IL1RAPL1: variants seen among roughly 807,000 people sequenced by gnomAD.
IL1RAPL1 encodes interleukin-1 receptor accessory protein-like 1.
A neutral mutation model predicts 48.4 loss-of-function variants in IL1RAPL1; 3 were observed. The observed-to-expected ratio is 0.06, with a 90% CI of 0.03 to 0.16. IL1RAPL1 has a LOEUF of 0.16. IL1RAPL1 is among the 10% of genes least tolerant of loss of function. IL1RAPL1 has a pLI of 1.00. For synonymous variants in IL1RAPL1, 185 were observed against 187.7 expected, an observed-to-expected ratio of 0.99 and a Z score of 0.12; for missense variants, 349 against 530.6, an observed-to-expected ratio of 0.66 and a Z score of 3.36.
intron 8 of IL1RAPL1, among the ~76,000 whole-genome samples, chrX:29,941,115 CTG>C (rs1933119875): frequency 1.8e-5 from 2 of 111,897 alleles, no homozygotes; most frequent in South Asian, 3.7e-4. Context: ...TCTCCTGAAA[CTG>C]TGTTGTTTGA....
intron 2 of IL1RAPL1, among the ~76,000 whole-genome samples, chrX:29,160,072 A>G (rs1247216671): frequency 1.8e-5 from 2 of 112,196 alleles, no homozygotes; most frequent in South Asian, 3.7e-4. Context: ...TTGGGACTCA[A>G]TGTCCTTATG....
At chrX:29,047,538 T>C (rs1926999080) in intron 2 of IL1RAPL1, among the ~76,000 whole-genome samples, 2 of 111,868 alleles carry the variant, frequency 1.8e-5, no homozygotes, top group African/African-American at 3.3e-5. Context: ...ATTGGCATTT[T>C]CAAAATGGCA....
intron 2 of IL1RAPL1, among the ~76,000 whole-genome samples, chrX:29,162,875 CAGCCTGACCAACATGGTAA>C (rs1253604572): frequency 3.7e-5 from 4 of 109,352 alleles, no homozygotes; most frequent in Non-Finnish European, 5.7e-5. Flanking sequence ...ATTTCGAGAC[CAGCCTGACCAACATGGTAA>C]AACCCCATAT....
chrX:29,839,229 T>A (rs6630967), intron 6 of IL1RAPL1, among the ~76,000 whole-genome samples: 5,415 of 112,051 alleles, frequency 0.048, 310 homozygotes, highest in African/African-American at 0.17. Flanking sequence ...GCCCAGTTGC[T>A]GCTCATCTCA....
chrX:28,988,197 T>C (rs1173876251), intron 2 of IL1RAPL1, among the ~76,000 whole-genome samples: 4 of 111,660 alleles, frequency 3.6e-5, no homozygotes, highest in Non-Finnish European at 7.5e-5. Flanking sequence ...ATCAGCTCAA[T>C]ACAAATCAAA....
At chrX:29,749,696 TTTG>T (rs1470921856) in intron 6 of IL1RAPL1, among the ~76,000 whole-genome samples, 11 of 85,570 alleles carry the variant, frequency 1.3e-4, no homozygotes, top group African/African-American at 6.4e-4. Flanking sequence ...CCAGACTTTC[TTTG>T]TCAAAAACAT....
chrX:29,627,285 C>T (rs1276678494), intron 5 of IL1RAPL1, among the ~76,000 whole-genome samples: 1 of 112,220 alleles, frequency 8.9e-6, no homozygotes, highest in Non-Finnish European at 1.9e-5. Flanking sequence ...GCAAACAAAG[C>T]ATTTCGGCAT....
chrX:29,240,987 A>G (rs367697583), intron 2 of IL1RAPL1, among the ~76,000 whole-genome samples: 4 of 112,268 alleles, frequency 3.6e-5, no homozygotes, highest in African/African-American at 1.3e-4. Flanking sequence ...AAATGGTACT[A>G]TTTTCTTCAG....
chrX:29,070,956 C>T (rs912163669), intron 2 of IL1RAPL1, among the ~76,000 whole-genome samples: 8 of 111,368 alleles, frequency 7.2e-5, no homozygotes, highest in African/African-American at 2.6e-4. Flanking sequence ...CAGAATATTA[C>T]ATATCTATAT....
chrX:29,221,926 G>A (rs1252289319), intron 2 of IL1RAPL1, among the ~76,000 whole-genome samples: 1 of 105,236 alleles, frequency 9.5e-6, no homozygotes, highest in East Asian at 3.0e-4. Context: ...CAGGAGAATC[G>A]CTTGACCCAG....
intron 1 of IL1RAPL1, among the ~76,000 whole-genome samples, chrX:28,642,871 C>A: frequency 9.0e-6 from 1 of 110,992 alleles, no homozygotes; most frequent in Non-Finnish European, 1.9e-5. Context: ...ATCAATGAAT[C>A]CAGGAGCTGG....
At chrX:29,178,383 A>C (rs769239033) in intron 2 of IL1RAPL1, among the ~76,000 whole-genome samples, 1 of 112,326 alleles carries the variant, frequency 8.9e-6, no homozygotes, top group East Asian at 2.8e-4. Context: ...TTGGCTGCAT[A>C]AATGTCTTCT....
At chrX:29,439,276 A>G (rs1934515190) in intron 5 of IL1RAPL1, among the ~76,000 whole-genome samples, 1 of 111,505 alleles carries the variant, frequency 9.0e-6, no homozygotes, top group African/African-American at 3.3e-5. Flanking sequence ...TCTAAATTTT[A>G]GGATTCATAC....
At chrX:29,081,769 T>C (rs1927849362) in intron 2 of IL1RAPL1, among the ~76,000 whole-genome samples, 1 of 110,568 alleles carries the variant, frequency 9.0e-6, no homozygotes, top group Non-Finnish European at 1.9e-5. Context: ...TTTTCAGTTA[T>C]TTAGCTCAGG....
At chrX:29,927,246 TA>T (rs2147244161) in intron 8 of IL1RAPL1, among the ~76,000 whole-genome samples, 1 of 112,514 alleles carries the variant, frequency 8.9e-6, no homozygotes, top group South Asian at 3.7e-4. Flanking sequence ...AGCCCTTGCC[TA>T]GACAATAGAT....
intron 6 of IL1RAPL1, among the ~76,000 whole-genome samples, chrX:29,748,323 A>T (rs750403661): frequency 8.9e-6 from 1 of 112,578 alleles, no homozygotes; most frequent in East Asian, 2.8e-4. Context: ...ATAGAATTTA[A>T]ACCTAGTAAG....
At chrX:29,491,132 G>A (rs759738732) in intron 5 of IL1RAPL1, among the ~76,000 whole-genome samples, 4 of 110,850 alleles carry the variant, frequency 3.6e-5, no homozygotes, top group Non-Finnish European at 7.5e-5. Context: ...TTCTAATTTC[G>A]GTATACATAT....
At chrX:29,105,317 A>G (rs980694072) in intron 2 of IL1RAPL1, among the ~76,000 whole-genome samples, 6 of 111,957 alleles carry the variant, frequency 5.4e-5, no homozygotes, top group Admixed American at 9.5e-5. Flanking sequence ...TGTATATTTA[A>G]ATATGATGAT....
At chrX:28,978,216 G>C (rs1925251552) in intron 2 of IL1RAPL1, among the ~76,000 whole-genome samples, 1 of 111,611 alleles carries the variant, frequency 9.0e-6, no homozygotes, top group South Asian at 3.8e-4. Flanking sequence ...ATGAGATCTA[G>C]AGCACACAGG....
Sources: gnomAD v4.1 joint callset for allele counts (sites outside exome capture counted in the v4.1 genomes callset) on GRCh38, gnomAD v4.1.1 for gene constraint, MANE v1.5 for transcripts, NCBI Gene and HGNC (gene_info 2026-07-23, HGNC 2026-07-21) for gene names.